The following KCNIP4 variants were observed in gnomAD, a reference collection of about 807,000 sequenced individuals.
KCNIP4 encodes the protein potassium voltage-gated channel interacting protein 4.
Under a neutral mutation model 34.0 loss-of-function variants are expected in KCNIP4, and 12 were observed. That is an observed-to-expected ratio of 0.35 (90% CI 0.23 to 0.57). The LOEUF is 0.57. Ranked by LOEUF, KCNIP4 falls within the 20% of genes least tolerant of loss-of-function variation. The pLI, the probability that KCNIP4 is intolerant of heterozygous loss-of-function variation, is 0.83. For synonymous variants in KCNIP4, 124 were observed against 102.2 expected, an observed-to-expected ratio of 1.21 and a Z score of -1.29; for missense variants, 238 against 311.7, an observed-to-expected ratio of 0.76 and a Z score of 1.78.
chr4:21,214,356 T>G (rs1028793429), intron 1 of KCNIP4, among the ~76,000 whole-genome samples: 3 of 152,162 alleles, frequency 2.0e-5, no homozygotes, highest in African/African-American at 4.8e-5. Context: ...ATACCTTTCT[T>G]TTGTTGTGTT....
At chr4:21,073,134 T>G (rs1322580649) in intron 1 of KCNIP4, among the ~76,000 whole-genome samples, 1 of 152,188 alleles carries the variant, frequency 6.6e-6, no homozygotes, top group South Asian at 2.1e-4. Context: ...TGTGGGCTCT[T>G]TTTTGGTTCC....
At chr4:21,169,718 C>T (rs369751679) in intron 1 of KCNIP4, among the ~76,000 whole-genome samples, 134 of 145,204 alleles carry the variant, frequency 9.2e-4, no homozygotes, top group African/African-American at 3.3e-3. Context: ...TATAGTGCAG[C>T]CCTCTCCTTA....
intron 1 of KCNIP4, among the ~76,000 whole-genome samples, chr4:20,968,529 A>G (rs2149672904): frequency 6.6e-6 from 1 of 152,268 alleles, no homozygotes; most frequent in Middle Eastern, 3.4e-3. Flanking sequence ...AACCAACCCA[A>G]ATGTCCATCA....
intron 1 of KCNIP4, among the ~76,000 whole-genome samples, chr4:20,941,388 ACTCCGAAGT>A (rs1401836934): frequency 2.0e-5 from 3 of 152,170 alleles, no homozygotes; most frequent in Non-Finnish European, 4.4e-5. Flanking sequence ...AAACAAATCC[ACTCCGAAGT>A]AAAAGTTACG....
intron 1 of KCNIP4, among the ~76,000 whole-genome samples, chr4:20,965,124 T>G (rs1348499064): frequency 3.9e-5 from 6 of 152,142 alleles, no homozygotes; most frequent in Non-Finnish European, 7.3e-5. Flanking sequence ...TAGTTAAGTG[T>G]GAAGATAGTC....
chr4:21,058,427 CCAGACT>C (rs145326329), intron 1 of KCNIP4, among the ~76,000 whole-genome samples: 19,313 of 152,014 alleles, frequency 0.13, 1,430 homozygotes, highest in African/African-American at 0.21. Context: ...AGCTCATTGT[CCAGACT>C]TGGATAAAAA....
rs577661854 is a variant in KCNIP4, at chr4:20,771,014, A to G, written c.289-12124T>C. ...TACACAGCATTTCCATGTATTAGTT[A>G]TTATAAGTAATCTAGAGATGATTTA... is the stretch of plus-strand genomic sequence containing the variant. On this transcript the variant is annotated intron_variant, in intron 3 of 8. Coordinates refer to ENST00000382152, the MANE Select transcript of KCNIP4 (RefSeq NM_025221.6). 3.9e-5 allele frequency among the ~76,000 whole-genome samples: 6 copies of G among 152,340 alleles called. No individual in the cohort carries two copies. In the East Asian group the frequency reaches 1.2e-3, roughly 29 times the overall value.
At chr4:21,172,634 T>C (rs1414720645) in intron 1 of KCNIP4, among the ~76,000 whole-genome samples, 1 of 152,170 alleles carries the variant, frequency 6.6e-6, no homozygotes, top group East Asian at 1.9e-4. Flanking sequence ...ATGCATGTTG[T>C]TCTTTAGGGA....
intron 1 of KCNIP4, among the ~76,000 whole-genome samples, chr4:21,297,843 AT>A (rs1420111178): frequency 1.8e-4 from 27 of 152,032 alleles, no homozygotes; most frequent in Middle Eastern, 3.2e-3. Context: ...CTTAAATACA[AT>A]TTTTTTAATG....
At chr4:21,119,221 G>A (rs1327908716) in intron 1 of KCNIP4, among the ~76,000 whole-genome samples, 1 of 151,974 alleles carries the variant, frequency 6.6e-6, no homozygotes, top group Non-Finnish European at 1.5e-5. Flanking sequence ...AGCTGACCAG[G>A]AAAGATGAGA....
intron 3 of KCNIP4, among the ~76,000 whole-genome samples, chr4:20,806,105 C>T (rs1212508568): frequency 6.6e-6 from 1 of 151,848 alleles, no homozygotes; most frequent in East Asian, 1.9e-4. Context: ...TATTCTTTGC[C>T]TGTTCTACAT....
chr4:21,865,635 C>T (rs1167741607), intron 1 of KCNIP4, among the ~76,000 whole-genome samples: 1 of 150,492 alleles, frequency 6.6e-6, no homozygotes. Context: ...CCTCCGCCTC[C>T]CGGGTTCAGT....
intron 1 of KCNIP4, chr4:21,850,074 G>A (rs1724279368): frequency 6.6e-6 from 1 of 152,020 alleles, no homozygotes; most frequent in South Asian, 2.1e-4. Flanking sequence ...GAGTTATTTT[G>A]TGAGATAAAC....
At chr4:21,700,488 C>T (rs1712744091) in intron 1 of KCNIP4, among the ~76,000 whole-genome samples, 1 of 152,004 alleles carries the variant, frequency 6.6e-6, no homozygotes, top group African/African-American at 2.4e-5. Flanking sequence ...TTGGATATTA[C>T]CCCTTATCAG....
At chr4:21,932,343 GA>G (rs1729617851) in intron 1 of KCNIP4, among the ~76,000 whole-genome samples, 1 of 152,084 alleles carries the variant, frequency 6.6e-6, no homozygotes, top group East Asian at 1.9e-4. Flanking sequence ...TTCTCAGCTG[GA>G]ACAGGAACAA....
chr4:21,663,036 T>G (rs1167292914), intron 1 of KCNIP4, among the ~76,000 whole-genome samples: 1 of 152,226 alleles, frequency 6.6e-6, no homozygotes, highest in Non-Finnish European at 1.5e-5. Flanking sequence ...AGTCAAATTT[T>G]GATCAGGCAA....
chr4:21,541,271 CT>C (rs1413559753), intron 1 of KCNIP4, among the ~76,000 whole-genome samples: 1 of 151,604 alleles, frequency 6.6e-6, no homozygotes, highest in African/African-American at 2.4e-5. Context: ...CAATATCAAC[CT>C]GAGTTGGTAC....
At chr4:21,607,973 G>C (rs2109138210) in intron 1 of KCNIP4, among the ~76,000 whole-genome samples, 1 of 152,278 alleles carries the variant, frequency 6.6e-6, no homozygotes, top group African/African-American at 2.4e-5. Context: ...GTATACAGAC[G>C]TGCAAAGTTC....
At chr4:20,982,438 A>T (rs1208626062) in intron 1 of KCNIP4, among the ~76,000 whole-genome samples, 1 of 152,230 alleles carries the variant, frequency 6.6e-6, no homozygotes, top group East Asian at 1.9e-4. Context: ...GTAACATTGG[A>T]GAAACCTGCT....
Sources: allele counts gnomAD v4.1 joint callset (sites outside exome capture counted in the v4.1 genomes callset), GRCh38; gene constraint gnomAD v4.1.1; transcripts MANE v1.5; gene names NCBI Gene and HGNC (gene_info 2026-07-23, HGNC 2026-07-21).